Variants in ZMYM2 observed in about 807,000 individuals in gnomAD.
The protein encoded by ZMYM2 is zinc finger MYM-type containing 2, also known as zinc finger MYM-type protein 2.
Under a neutral mutation model 162.8 loss-of-function variants are expected in ZMYM2, and 56 were observed. The observed-to-expected ratio is 0.34, with a 90% CI of 0.28 to 0.43. The LOEUF is 0.43. Ranked by LOEUF, ZMYM2 falls within the 20% of genes least tolerant of loss-of-function variation. ZMYM2 has a pLI of 1.00. For synonymous variants in ZMYM2, 510 were observed against 541.6 expected, an observed-to-expected ratio of 0.94 and a Z score of 0.81; for missense variants, 1,275 against 1,621.8, an observed-to-expected ratio of 0.79 and a Z score of 3.67.
At chr13:19,959,418 C>T (rs1439866505) in intron 1 of ZMYM2, among the ~76,000 whole-genome samples, 1 of 152,104 alleles carries the variant, frequency 6.6e-6, no homozygotes, top group Non-Finnish European at 1.5e-5. Context: ...CTGCGCTGCG[C>T]GGCTCTTGCT....
chr13:20,006,001 G>A (rs1169364035), intron 5 of ZMYM2, among the ~76,000 whole-genome samples: 1 of 152,176 alleles, frequency 6.6e-6, no homozygotes, highest in Admixed American at 6.5e-5. Flanking sequence ...GGAAGCCAAG[G>A]TGGGAGGATC....
Position 19,976,198 on chromosome 13 carries a change from CGT to C in ZMYM2, c.-11+16174_-11+16175del, listed in dbSNP as rs1956771427. Reference sequence around the variant, plus strand: ...CAAAAATTAACTGGGTGTGCTGGCGCGTGCCTGTAGTCCCAGCTACTTGGGAG... The same window carrying C: ...CAAAAATTAACTGGGTGTGCTGGCGCGCCTGTAGTCCCAGCTACTTGGGAG... On this transcript the variant is annotated intron_variant, in intron 2 of 24. Coordinates refer to ENST00000610343, the MANE Select transcript of ZMYM2 (RefSeq NM_197968.4). Among the ~76,000 whole-genome samples the C allele has an allele frequency of 6.6e-5, 10 of 151,686 alleles. No individual in the cohort carries two copies. In the South Asian group the frequency reaches 2.1e-3, roughly 32 times the overall value.
intron 12 of ZMYM2, among the ~76,000 whole-genome samples, chr13:20,043,225 T>C (rs1265210228): frequency 2.0e-5 from 3 of 152,202 alleles, no homozygotes; most frequent in Non-Finnish European, 4.4e-5. Context: ...GTATCCACTG[T>C]GCTGGGGAGA....
At chr13:20,020,440 C>T (rs751135434) in intron 7 of ZMYM2, among the ~76,000 whole-genome samples, 18 of 151,998 alleles carry the variant, frequency 1.2e-4, no homozygotes, top group African/African-American at 2.2e-4. Context: ...TTCTCCATGT[C>T]GGTCAGGCTC....
intron 13 of ZMYM2, 85 bp downstream of exon 13, chr13:20,051,683 G>A (rs756585102): frequency 5.0e-5 from 67 of 1,332,298 alleles, no homozygotes; most frequent in Non-Finnish European, 6.6e-5. Flanking sequence ...ATAATGAATA[G>A]TTGATTTTGG....
chr13:20,077,030 G>A (rs540652917), intron 21 of ZMYM2, among the ~76,000 whole-genome samples: 3 of 150,398 alleles, frequency 2.0e-5, no homozygotes, highest in South Asian at 2.1e-4. Context: ...GGGTTTCACC[G>A]TGTTGGCCAG....
Position 20,074,223 on chromosome 13 carries a change from TGTGTGTGTGTGTGTGA to T in ZMYM2, c.3453+6835_3453+6850del, listed in dbSNP as rs1213628593. 6.1e-5 allele frequency among the ~76,000 whole-genome samples: 9 copies of T among 148,752 alleles called. No homozygotes were observed. In the South Asian group the frequency reaches 1.7e-3, roughly 28 times the overall value. ...GTGTGTGTGTGTGTGTGTGTGTGTGTGTGTGTGTGTGTGTGAGAGAGACAGAGAGACAGGGTCTCAC... is the reference window on the plus strand; with the variant it reads ...GTGTGTGTGTGTGTGTGTGTGTGTGTGAGAGACAGAGAGACAGGGTCTCAC... On this transcript the variant is annotated intron_variant, in intron 21 of 24. Transcript: ENST00000610343.
chr13:19,888,100 A>C, the ZMYM2 span, among the ~76,000 whole-genome samples: 1 of 151,844 alleles, frequency 6.6e-6, no homozygotes, highest in South Asian at 2.1e-4. Context: ...CTTGGTCCCA[A>C]ACTCCTGGGC....
chr13:20,055,262 A>T (rs1028896912), intron 14 of ZMYM2, among the ~76,000 whole-genome samples: 1 of 152,168 alleles, frequency 6.6e-6, no homozygotes, highest in African/African-American at 2.4e-5. Flanking sequence ...ACCAAAATTT[A>T]TTTGTAACCC....
the ZMYM2 span, among the ~76,000 whole-genome samples, chr13:19,933,185 C>G: frequency 2.0e-5 from 3 of 152,138 alleles, no homozygotes; most frequent in African/African-American, 4.8e-5. Flanking sequence ...CTCCTGGGCT[C>G]AAGTGATCCT....
intron 6 of ZMYM2, among the ~76,000 whole-genome samples, chr13:20,013,132 A>T (rs1197168549): frequency 1.3e-5 from 2 of 152,136 alleles, no homozygotes; most frequent in Non-Finnish European, 2.9e-5. Flanking sequence ...TATGTCTTTA[A>T]TTTCTTTCAG....
intron 21 of ZMYM2, among the ~76,000 whole-genome samples, chr13:20,078,860 G>A (rs1323051923): frequency 6.6e-6 from 1 of 152,022 alleles, no homozygotes; most frequent in Non-Finnish European, 1.5e-5. Context: ...CTAGAATAAA[G>A]TTAAATGTAT....
chr13:20,048,540 T>C (rs1174158086), intron 12 of ZMYM2, among the ~76,000 whole-genome samples: 2 of 152,002 alleles, frequency 1.3e-5, no homozygotes, highest in African/African-American at 2.4e-5. Context: ...CTTTTTCGTA[T>C]TCATGGTTCT....
chr13:20,082,081 A>G lies in ZMYM2; in HGVS notation c.3519A>G (p.Gln1173=). The G allele has an allele frequency of 1.2e-6, 2 of 1,609,146 alleles. No individual in the cohort carries two copies. Among genetic ancestry groups the G allele is most frequent in the African/African-American group, 1.3e-5 (1 of 74,760 alleles). ...FIDPGYQTFE[Q]ELNKILRSWQ... Reference sequence around the variant, plus strand: ...ATCCTGGATACCAAACATTTGAGCAAGAATTGAATAAAATACTGCGAAGCT... The same window carrying G: ...ATCCTGGATACCAAACATTTGAGCAGGAATTGAATAAAATACTGCGAAGCT... The change falls in exon 22 of 25, where the codon CAA becomes CAG. Residue 1173 remains glutamine (Q), a synonymous_variant. Coordinates refer to ENST00000610343, the MANE Select transcript of ZMYM2 (RefSeq NM_197968.4).
At chr13:19,891,113 A>T in the ZMYM2 span, among the ~76,000 whole-genome samples, 1 of 152,014 alleles carries the variant, frequency 6.6e-6, no homozygotes, top group East Asian at 1.9e-4. Context: ...TTATACAGGG[A>T]TGGGGCCTGC....
At chr13:19,991,079 C>CTGTGTGTGTGTGTGTGTG (rs56666919) in intron 2 of ZMYM2, among the ~76,000 whole-genome samples, 150 of 59,936 alleles carry the variant, frequency 2.5e-3, no homozygotes, top group South Asian at 0.011. Flanking sequence ...TATGTATTTT[C>CTGTGTGTGTGTGTGTGTG]TGTGTGTGTG....
At chr13:19,964,939 C>G (rs1955603634) in intron 2 of ZMYM2, among the ~76,000 whole-genome samples, 2 of 152,130 alleles carry the variant, frequency 1.3e-5, no homozygotes, top group African/African-American at 4.8e-5. Context: ...AAAACTCTTG[C>G]ATTAAACTTA....
chr13:19,933,600 T>C, the ZMYM2 span, among the ~76,000 whole-genome samples: 1 of 152,278 alleles, frequency 6.6e-6, no homozygotes, highest in South Asian at 2.1e-4. Context: ...TCAACACCTG[T>C]TAAGATGCAA....
At chr13:20,053,519 G>A (rs12430779) in intron 14 of ZMYM2, among the ~76,000 whole-genome samples, 34,954 of 151,960 alleles carry the variant, frequency 0.23, 4,956 homozygotes, top group Admixed American at 0.32. Context: ...GGGCGTGGTG[G>A]TGGGCACCTG....
Sources: allele counts gnomAD v4.1 joint callset (sites outside exome capture counted in the v4.1 genomes callset), GRCh38; gene constraint gnomAD v4.1.1; transcripts MANE v1.5; gene names NCBI Gene and HGNC (gene_info 2026-07-23, HGNC 2026-07-21).